The following KLRG1 variants were observed in gnomAD, a reference collection of about 807,000 sequenced individuals.
KLRG1 encodes killer cell lectin like receptor G1.
A neutral mutation model predicts 21.8 loss-of-function variants in KLRG1; 16 were observed. That is an observed-to-expected ratio of 0.73 (90% confidence interval 0.50 to 1.11). KLRG1 has a LOEUF of 1.11. Ranked by LOEUF, KLRG1 falls within the 50% of genes most tolerant of loss-of-function variation. KLRG1 has a pLI of 0.00. For missense variants in KLRG1, 173 were observed against 218.3 expected (o/e 0.79, Z 1.31); for synonymous variants, 69 against 75.9 (o/e 0.91, Z 0.47).
chr12:9,119,423 T>A, the KLRG1 span, among the ~76,000 whole-genome samples: 3 of 152,148 alleles, frequency 2.0e-5, no homozygotes, highest in Non-Finnish European at 4.4e-5. Context: ...GATTTTTTTT[T>A]TCTGCTGGGT....
the KLRG1 span, among the ~76,000 whole-genome samples, chr12:9,063,477 A>G: frequency 1.3e-5 from 2 of 152,222 alleles, no homozygotes; most frequent in African/African-American, 2.4e-5. Flanking sequence ...TCGTGTATCT[A>G]TATGCTTTCC....
At chr12:8,984,419 A>G (rs1946809101) in intron 1 of KLRG1, among the ~76,000 whole-genome samples, 1 of 151,814 alleles carries the variant, frequency 6.6e-6, no homozygotes, top group South Asian at 2.1e-4. Context: ...GGCCAGGCTA[A>G]TATTTTATGT....
chr12:9,056,684 T>A, the KLRG1 span, among the ~76,000 whole-genome samples: 2 of 152,142 alleles, frequency 1.3e-5, no homozygotes, highest in African/African-American at 4.8e-5. Flanking sequence ...TAGCTGGGAC[T>A]ACTACAGGTG....
chr12:9,123,825 T>G, the KLRG1 span, among the ~76,000 whole-genome samples: 1 of 142,226 alleles, frequency 7.0e-6, no homozygotes, highest in African/African-American at 3.0e-5. Context: ...AGTAATTTCC[T>G]CTATGCCTAA....
At chr12:9,190,063 C>G in the KLRG1 span, among the ~76,000 whole-genome samples, 102 of 152,020 alleles carry the variant, frequency 6.7e-4, 3 homozygotes, top group Middle Eastern at 0.024. Context: ...ATTAGTTCAG[C>G]CATTATGGAA....
the KLRG1 span, chr12:9,067,788 G>T: frequency 3.7e-6 from 6 of 1,608,478 alleles, no homozygotes; most frequent in East Asian, 4.5e-5. Context: ...TCTGAGAACA[G>T]GACTCCAGCA....
At chr12:8,955,422 T>A (rs1946275346) in intron 1 of KLRG1, among the ~76,000 whole-genome samples, 1 of 123,508 alleles carries the variant, frequency 8.1e-6, no homozygotes, top group Admixed American at 9.2e-5. Flanking sequence ...TGAGATAGAG[T>A]CTCTATCACT....
chr12:9,142,743 A>G, the KLRG1 span, among the ~76,000 whole-genome samples: 1 of 152,230 alleles, frequency 6.6e-6, no homozygotes, highest in Non-Finnish European at 1.5e-5. Context: ...GAACAGGGCT[A>G]GGAAAATAAT....
At chr12:9,167,061 A>G in the KLRG1 span, 1 of 152,222 alleles carries the variant, frequency 6.6e-6, no homozygotes. Context: ...TCTTTAGTGA[A>G]TATCATACAC....
chr12:9,168,965 A>G, the KLRG1 span: 12 of 1,612,388 alleles, frequency 7.4e-6, no homozygotes, highest in Admixed American at 3.3e-5. Context: ...AACACCTTCA[A>G]TCCCATCCCC....
At chr12:9,119,227 T>C in the KLRG1 span, among the ~76,000 whole-genome samples, 5 of 152,336 alleles carry the variant, frequency 3.3e-5, no homozygotes, top group East Asian at 9.6e-4. Flanking sequence ...ATAATTTAAA[T>C]GGTTTCTAAG....
At chr12:8,968,151 A>C (rs779901644) in intron 1 of KLRG1, among the ~76,000 whole-genome samples, 1 of 152,332 alleles carries the variant, frequency 6.6e-6, no homozygotes, top group South Asian at 2.1e-4. Flanking sequence ...TAAAATGATA[A>C]TCACATTATC....
the KLRG1 span, among the ~76,000 whole-genome samples, chr12:9,091,656 T>A: frequency 6.6e-6 from 1 of 152,238 alleles, no homozygotes; most frequent in South Asian, 2.1e-4. Context: ...ACAGACAATA[T>A]AGTTATAAAT....
At chr12:9,181,988 C>T in the KLRG1 span, 1 of 1,613,612 alleles carries the variant, frequency 6.2e-7, no homozygotes, top group South Asian at 1.1e-5. Context: ...GTTGGCTAGA[C>T]AGTTTTCAAT....
chr12:9,009,250 AAAAAG>A (rs754586711), intron 4 of KLRG1, among the ~76,000 whole-genome samples, 171 bp from the exon 5 acceptor site: 48 of 144,446 alleles, frequency 3.3e-4, no homozygotes, highest in South Asian at 2.1e-3. Context: ...AAAAAAAAAA[AAAAAG>A]GATAACATTT....
the KLRG1 span, among the ~76,000 whole-genome samples, chr12:9,129,192 A>G: frequency 6.7e-6 from 1 of 149,188 alleles, no homozygotes; most frequent in Non-Finnish European, 1.5e-5. Flanking sequence ...ATGAAGAACT[A>G]TATTAAATTA....
chr12:9,079,158 A>T, the KLRG1 span: 2 of 1,006,264 alleles, frequency 2.0e-6, no homozygotes, highest in Non-Finnish European at 3.1e-6. Context: ...TACATATCTG[A>T]TAGTGTTGCT....
the KLRG1 span, among the ~76,000 whole-genome samples, chr12:9,065,502 T>C: frequency 6.6e-6 from 1 of 152,178 alleles, no homozygotes; most frequent in African/African-American, 2.4e-5. Flanking sequence ...AGGACAGTGC[T>C]GATACGCCAG....
At chr12:9,177,118 C>T in the KLRG1 span, among the ~76,000 whole-genome samples, 13 of 152,134 alleles carry the variant, frequency 8.5e-5, no homozygotes, top group Non-Finnish European at 1.2e-4. Context: ...CATTGTTCGT[C>T]GCACAATGAA....
Sources: gnomAD v4.1 joint callset for allele counts (sites outside exome capture counted in the v4.1 genomes callset) on GRCh38, gnomAD v4.1.1 for gene constraint, MANE v1.5 for transcripts, NCBI Gene and HGNC (gene_info 2026-07-23, HGNC 2026-07-21) for gene names.